Variants in NEK3 observed in about 807,000 individuals in gnomAD.
NEK3 encodes serine/threonine-protein kinase Nek3.
In NEK3, 54 loss-of-function variants were observed where a neutral mutation model predicts 66.0. That is an observed-to-expected ratio of 0.82 (90% CI 0.66 to 1.03). NEK3 has a LOEUF of 1.03. Among genes scored for constraint, NEK3 ranks in the 50% least tolerant of loss-of-function variants. NEK3 has a pLI of 0.00. For missense variants in NEK3, 593 were observed against 603.0 expected (o/e 0.98, Z 0.17); for synonymous variants, 200 against 206.2 (o/e 0.97, Z 0.26).
At chr13:52,140,973 C>A (rs1226446028) in intron 11 of NEK3, 47 bp downstream of exon 11, 36 of 1,492,348 alleles carry the variant, frequency 2.4e-5, no homozygotes, top group Non-Finnish European at 3.2e-5. Flanking sequence ...CACCACCACG[C>A]CCGGCCACCG....
intron 1 of NEK3, 75 bp from the exon 2 acceptor site, chr13:52,156,323 A>G: frequency 1.6e-6 from 1 of 611,398 alleles, no homozygotes. Context: ...AGTAGCTCTC[A>G]TAACCATGAT....
At chr13:52,155,402 A>G in intron 2 of NEK3, among the ~76,000 whole-genome samples, 1 of 152,152 alleles carries the variant, frequency 6.6e-6, no homozygotes, top group East Asian at 1.9e-4. Context: ...TTCATTCTTC[A>G]CTGTATTTTT....
At chr13:52,147,780 T>C (rs1217331008) in intron 8 of NEK3, among the ~76,000 whole-genome samples, 1 of 152,054 alleles carries the variant, frequency 6.6e-6, no homozygotes, top group Non-Finnish European at 1.5e-5. Flanking sequence ...AAGACCAGCC[T>C]GCTCAACATG....
intron 7 of NEK3, among the ~76,000 whole-genome samples, chr13:52,149,316 T>C (rs1956319733): frequency 1.3e-5 from 2 of 152,032 alleles, no homozygotes; most frequent in South Asian, 4.1e-4. Flanking sequence ...GCTCAAGCAA[T>C]CCTCCTGCCT....
chr13:52,135,920 C>T, intron 13 of NEK3, 57 bp from the exon 14 acceptor site: 1 of 1,563,224 alleles, frequency 6.4e-7, no homozygotes, highest in Non-Finnish European at 8.7e-7. Flanking sequence ...TCAGCATGTA[C>T]TTTCCAGATC....
intron 13 of NEK3, 31 bp downstream of exon 13, chr13:52,136,085 T>C: frequency 1.2e-6 from 2 of 1,609,828 alleles, no homozygotes; most frequent in Non-Finnish European, 1.7e-6. Context: ...AGTTCTCTAA[T>C]AAAATAATAG....
intron 1 of NEK3, chr13:52,156,633 A>AT (rs1366443934): frequency 2.0e-5 from 3 of 153,162 alleles, no homozygotes; most frequent in Admixed American, 6.5e-5. Flanking sequence ...TCCGCCATAT[A>AT]TTTACCTTCC....
chr13:52,145,053 G>A (rs1464453894), intron 8 of NEK3, among the ~76,000 whole-genome samples, 162 bp from the exon 9 acceptor site: 1 of 152,034 alleles, frequency 6.6e-6, no homozygotes, highest in Non-Finnish European at 1.5e-5. Context: ...TCTTAAGGTG[G>A]CTTAGGAGAA....
chr13:52,158,998 G>T (rs1247017729), intron 1 of NEK3, among the ~76,000 whole-genome samples: 1 of 152,020 alleles, frequency 6.6e-6, no homozygotes, highest in Non-Finnish European at 1.5e-5. Flanking sequence ...GGGAACCAAC[G>T]AAGCCGCCCC....
At chr13:52,157,122 A>C (rs1323989265) in intron 1 of NEK3, 1 of 152,230 alleles carries the variant, frequency 6.6e-6, no homozygotes, top group African/African-American at 2.4e-5. Flanking sequence ...TTGAAAGAAG[A>C]ATGTAACAAG....
chr13:52,153,821 T>C, intron 4 of NEK3, 74 bp downstream of exon 4: 1 of 1,002,770 alleles, frequency 1.0e-6, no homozygotes. Context: ...AATGCTTTTA[T>C]TTTAACTTAT....
At position 52,136,121 on chromosome 13, in the gene NEK3, T is replaced by C; in HGVS notation, c.1169A>G (p.Asp390Gly). Residue 390 changes from aspartate to glycine, a missense_variant, in exon 13 of 16, where the codon GAT becomes GGT. Transcript: ENST00000610828. The stretch of plus-strand genomic sequence containing the variant: ...TATTCAATCTGACTACTAACCTCTA[T>C]CGTCCTCTGCTGTTAAACTGGAGGT... ...ILTSSLTAED[D>G]RGGSVIKYSK... The C allele has an allele frequency of 1.9e-6, 3 of 1,613,716 alleles. No homozygotes were observed. Among genetic ancestry groups the C allele is most frequent in the Non-Finnish European group, 1.7e-6 (2 of 1,179,686 alleles).
chr13:52,156,352 T>A lies in NEK3; in HGVS notation c.-57-104A>T. On this transcript the variant is annotated intron_variant, in intron 1 of 15. Coordinates refer to ENST00000610828, the MANE Select transcript of NEK3 (RefSeq NM_002498.3). ...CCATGATAAGAGAAAAGCAAATTAT[T>A]CCTTTTGAAGAGGATCAGTGTATGC... 3 of 562,856 alleles carry A rather than the reference T, an allele frequency of 5.3e-6. No homozygotes were observed. In the South Asian group the frequency reaches 6.2e-5, roughly 12 times the overall value. 34.9% of individuals were successfully genotyped at this position (562,856 alleles called of 1,614,324 possible).
intron 11 of NEK3, among the ~76,000 whole-genome samples, chr13:52,138,659 T>C (rs1276798734): frequency 5.9e-5 from 9 of 152,174 alleles, no homozygotes; most frequent in Non-Finnish European, 8.8e-5. Flanking sequence ...CCAGGTGAAG[T>C]GGCTCACACC....
At chr13:52,153,697 T>C (rs976379944) in intron 4 of NEK3, among the ~76,000 whole-genome samples, 198 bp downstream of exon 4, 8 of 152,180 alleles carry the variant, frequency 5.3e-5, no homozygotes, top group Non-Finnish European at 1.2e-4. Context: ...TTATAACCTA[T>C]AGATTTTACT....
At chr13:52,134,075 G>C (rs910459483) in intron 14 of NEK3, among the ~76,000 whole-genome samples, 1 of 151,944 alleles carries the variant, frequency 6.6e-6, no homozygotes, top group Non-Finnish European at 1.5e-5. Flanking sequence ...CTGTCACCCA[G>C]GCTGGAGTGC....
rs1338696526 is a variant in NEK3, at chr13:52,133,124, G to A, written c.*18C>T. On this transcript the variant is annotated 3_prime_UTR_variant, in exon 16 of 16. Coordinates refer to ENST00000610828, the MANE Select transcript of NEK3 (RefSeq NM_002498.3). ...TGAAGCCTCTCCTCAGCGTGACTCA[G>A]GAACATTTCCTCAGGCATTATCTGT... 12 of 1,599,078 alleles carry A rather than the reference G, an allele frequency of 7.5e-6. No individual in the cohort carries two copies. Among genetic ancestry groups the A allele is most frequent in the Non-Finnish European group, 1.0e-5 (12 of 1,171,120 alleles).
chr13:52,143,151 T>A (rs924444187), intron 10 of NEK3, among the ~76,000 whole-genome samples: 2 of 152,098 alleles, frequency 1.3e-5, no homozygotes, highest in African/African-American at 4.8e-5. Flanking sequence ...ACCCCATCTC[T>A]ACTAAATTCA....
Position 52,132,918 on chromosome 13 carries a change from C to T in NEK3, c.*224G>A. On this transcript the variant is annotated 3_prime_UTR_variant, in exon 16 of 16. Transcript: ENST00000610828. ...ATGGGACTGCAAAGCCCGATGCTCA[C>T]ACTCATTCCACTATACCTTCTCCCT... 2.0e-6 allele frequency: 1 copy of T among 491,338 alleles called. No individual in the cohort carries two copies. 30.4% of individuals were successfully genotyped at this position (491,338 alleles called of 1,614,324 possible).
Sources: allele counts gnomAD v4.1 joint callset (sites outside exome capture counted in the v4.1 genomes callset), GRCh38; gene constraint gnomAD v4.1.1; transcripts MANE v1.5; gene names NCBI Gene and HGNC (gene_info 2026-07-23, HGNC 2026-07-21).